Variants in BCKDHB observed in about 807,000 individuals in gnomAD.
The protein encoded by BCKDHB is branched chain keto acid dehydrogenase E1 subunit beta.
A neutral mutation model predicts 48.5 loss-of-function variants in BCKDHB; 41 were observed. That is an observed-to-expected ratio of 0.85 (90% CI 0.66 to 1.10). The LOEUF (loss-of-function observed/expected upper bound fraction) is 1.10. Among genes scored for constraint, BCKDHB ranks in the 50% least tolerant of loss-of-function variants. The pLI is 0.00. For synonymous variants in BCKDHB, 201 were observed against 174.8 expected (o/e 1.15, Z -1.18); for missense variants, 496 against 494.2 (o/e 1.00, Z -0.03).
At chr6:80,265,370 T>TC (rs943024274) in intron 8 of BCKDHB, among the ~76,000 whole-genome samples, 8 of 152,078 alleles carry the variant, frequency 5.3e-5, no homozygotes, top group Non-Finnish European at 1.2e-4. Flanking sequence ...TATTACTGTT[T>TC]CAAAGGAGGG....
At chr6:80,402,274 A>G in the BCKDHB span, among the ~76,000 whole-genome samples, 1 of 151,728 alleles carries the variant, frequency 6.6e-6, no homozygotes, top group African/African-American at 2.4e-5. Flanking sequence ...CCTCATCAAT[A>G]CTTTTTATCT....
the BCKDHB span, among the ~76,000 whole-genome samples, chr6:80,395,551 CA>C: frequency 6.6e-6 from 1 of 152,096 alleles, no homozygotes; most frequent in Non-Finnish European, 1.5e-5. Context: ...TTCTAAGCGG[CA>C]AAGCATTCAA....
In BCKDHB at chr6:80,168,994, T is replaced by A; in HGVS notation, c.597T>A (p.Ser199Arg). 6.2e-7 allele frequency: 1 copy of A among 1,614,150 alleles called. No individual in the cohort carries two copies. Residue 199 changes from serine to arginine, a missense_variant, in exon 5 of 10, where the codon AGT becomes AGA. Coordinates refer to ENST00000320393, the MANE Select transcript of BCKDHB (RefSeq NM_183050.4). ...ATGGGGCTCTCTATCATTCTCAGAG[T>A]CCTGAAGCATTTTTTGCCCATTGCC... ...VGHGALYHSQSPEAFFAHCPG... is the reference protein window; with the variant it reads ...VGHGALYHSQRPEAFFAHCPG...
intron 6 of BCKDHB, among the ~76,000 whole-genome samples, chr6:80,177,395 A>T: frequency 6.6e-6 from 1 of 152,138 alleles, no homozygotes; most frequent in East Asian, 1.9e-4. Flanking sequence ...CCAGAAATTT[A>T]TAAACAGATA....
At chr6:80,269,631 G>A (rs1210042294) in intron 8 of BCKDHB, among the ~76,000 whole-genome samples, 6 of 152,038 alleles carry the variant, frequency 3.9e-5, no homozygotes, top group African/African-American at 7.2e-5. Context: ...CCAGCCTTAC[G>A]TGATCTTTCC....
At chr6:80,456,244 C>T in the BCKDHB span, among the ~76,000 whole-genome samples, 5 of 151,720 alleles carry the variant, frequency 3.3e-5, no homozygotes, top group East Asian at 7.7e-4. Flanking sequence ...AAAAAACTAC[C>T]GCCAACAAAA....
intron 9 of BCKDHB, among the ~76,000 whole-genome samples, chr6:80,324,025 G>T (rs1419897725): frequency 6.6e-6 from 1 of 152,102 alleles, no homozygotes; most frequent in African/African-American, 2.4e-5. Context: ...ACCTGCCTCG[G>T]CCTCCCAAAG....
intron 9 of BCKDHB, among the ~76,000 whole-genome samples, chr6:80,324,953 A>T (rs1045695710): frequency 6.6e-6 from 1 of 152,238 alleles, no homozygotes; most frequent in Non-Finnish European, 1.5e-5. Context: ...ATGGGAAAGG[A>T]TGCTGGTAGA....
chr6:80,221,585 A>G (rs1438730856), intron 8 of BCKDHB, among the ~76,000 whole-genome samples: 2 of 151,992 alleles, frequency 1.3e-5, no homozygotes, highest in African/African-American at 4.8e-5. Flanking sequence ...CTGTAAGTAA[A>G]ACCTATTTTC....
At chr6:80,160,174 CT>C (rs960943081) in intron 3 of BCKDHB, among the ~76,000 whole-genome samples, 2 of 150,100 alleles carry the variant, frequency 1.3e-5, no homozygotes, top group African/African-American at 4.9e-5. Context: ...TTTTCGTTTT[CT>C]TTTTTTTTTC....
the BCKDHB span, among the ~76,000 whole-genome samples, chr6:80,386,209 G>A: frequency 1.1e-4 from 16 of 151,984 alleles, no homozygotes; most frequent in African/African-American, 3.9e-4. Flanking sequence ...TTCTCTAGAT[G>A]TCAGATCTAA....
intron 3 of BCKDHB, among the ~76,000 whole-genome samples, chr6:80,142,882 C>CT (rs1771293265): frequency 6.6e-6 from 1 of 152,022 alleles, no homozygotes; most frequent in Admixed American, 6.6e-5. Context: ...ATTTTTTTCT[C>CT]TTTCAAACAG....
chr6:80,223,745 A>C (rs1223739388), intron 8 of BCKDHB, among the ~76,000 whole-genome samples: 1 of 152,148 alleles, frequency 6.6e-6, no homozygotes, highest in Non-Finnish European at 1.5e-5. Flanking sequence ...CAGTACTGCA[A>C]ATCCCTGTGC....
At chr6:80,460,754 A>G in the BCKDHB span, among the ~76,000 whole-genome samples, 1 of 152,158 alleles carries the variant, frequency 6.6e-6, no homozygotes, top group Non-Finnish European at 1.5e-5. Context: ...CTTTTGGAAC[A>G]AGACTGATCT....
chr6:80,147,954 G>C (rs1771569970), intron 3 of BCKDHB, among the ~76,000 whole-genome samples: 1 of 152,084 alleles, frequency 6.6e-6, no homozygotes, highest in African/African-American at 2.4e-5. Flanking sequence ...GTGGTGAGGG[G>C]TTACACATTG....
At chr6:80,122,151 C>T (rs768678647) in intron 1 of BCKDHB, among the ~76,000 whole-genome samples, 5 of 152,140 alleles carry the variant, frequency 3.3e-5, no homozygotes, top group South Asian at 2.1e-4. Flanking sequence ...TGATGGATTA[C>T]GTTTATTGAT....
chr6:80,185,563 G>T (rs1267694001), intron 6 of BCKDHB, among the ~76,000 whole-genome samples: 4 of 152,162 alleles, frequency 2.6e-5, no homozygotes, highest in Non-Finnish European at 5.9e-5. Flanking sequence ...TCAGTGGAAA[G>T]AACTGGAACT....
intron 3 of BCKDHB, among the ~76,000 whole-genome samples, chr6:80,138,837 CA>C (rs1451048203): frequency 2.6e-5 from 4 of 152,152 alleles, no homozygotes; most frequent in Non-Finnish European, 5.9e-5. Flanking sequence ...ATGGCTGGGT[CA>C]AATGGTATTT....
intron 8 of BCKDHB, among the ~76,000 whole-genome samples, chr6:80,248,872 C>G (rs562429736): frequency 6.7e-6 from 1 of 149,498 alleles, no homozygotes; most frequent in African/African-American, 2.5e-5. Context: ...TAGATAGATA[C>G]CCTGGTTGGA....
Sources: allele counts gnomAD v4.1 joint callset (sites outside exome capture counted in the v4.1 genomes callset), GRCh38; gene constraint gnomAD v4.1.1; transcripts MANE v1.5; gene names NCBI Gene and HGNC (gene_info 2026-07-23, HGNC 2026-07-21).